The following HCFC2 variants were observed in gnomAD, a reference collection of about 807,000 sequenced individuals.
HCFC2 encodes host cell factor 2.
Under a neutral mutation model 89.2 loss-of-function variants are expected in HCFC2, and 18 were observed. The ratio of observed to expected loss-of-function variants is 0.20; its 90% CI spans 0.14 to 0.30. The LOEUF (loss-of-function observed/expected upper bound fraction) is 0.30, where lower values mean the gene tolerates loss of function less well. Among genes scored for constraint, HCFC2 ranks in the 10% least tolerant of loss-of-function variants. The pLI is 1.00. For synonymous variants in HCFC2, 308 were observed against 335.7 expected (o/e 0.92, Z 0.90); for missense variants, 578 against 956.1 (o/e 0.60, Z 5.21).
chr12:104,070,359 T>G (rs1883284345), intron 3 of HCFC2, among the ~76,000 whole-genome samples: 1 of 152,166 alleles, frequency 6.6e-6, no homozygotes, highest in South Asian at 2.1e-4. Context: ...TGCAATATTT[T>G]TTTCTTTTTA....
chr12:104,076,590 A>G (rs953928389), intron 3 of HCFC2, among the ~76,000 whole-genome samples: 5 of 152,070 alleles, frequency 3.3e-5, no homozygotes, highest in African/African-American at 4.8e-5. Flanking sequence ...GGGTTCTTGT[A>G]TTTTGTTTCC....
intron 2 of HCFC2, 80 bp from the exon 3 acceptor site, chr12:104,067,867 G>T: frequency 7.8e-7 from 1 of 1,282,358 alleles, no homozygotes; most frequent in South Asian, 1.9e-5. Context: ...AAAATGTATT[G>T]ATATGATGTT....
intron 3 of HCFC2, among the ~76,000 whole-genome samples, chr12:104,069,922 T>C (rs1405098155): frequency 6.6e-6 from 1 of 152,182 alleles, no homozygotes; most frequent in South Asian, 2.1e-4. Flanking sequence ...ATTGTTCAGC[T>C]CCCTCTTATG....
chr12:104,081,521 A>G (rs1047977248), intron 5 of HCFC2, among the ~76,000 whole-genome samples: 4 of 152,208 alleles, frequency 2.6e-5, no homozygotes, highest in Non-Finnish European at 5.9e-5. Flanking sequence ...ATTAGAATTT[A>G]ATGAAATATT....
chr12:104,089,101 T>G (rs1375271926), intron 9 of HCFC2, among the ~76,000 whole-genome samples: 1 of 152,168 alleles, frequency 6.6e-6, no homozygotes, highest in Non-Finnish European at 1.5e-5. Context: ...AACCTGCAAA[T>G]GCGGAAACTC....
chr12:104,099,201 T>G (rs1400918165), intron 13 of HCFC2, among the ~76,000 whole-genome samples: 3 of 152,012 alleles, frequency 2.0e-5, no homozygotes, highest in Non-Finnish European at 4.4e-5. Context: ...TGCCACACAC[T>G]TTTAAACAAC....
intron 7 of HCFC2, among the ~76,000 whole-genome samples, chr12:104,084,007 A>G (rs1429100832): frequency 1.3e-5 from 2 of 152,176 alleles, no homozygotes; most frequent in Admixed American, 1.3e-4. Flanking sequence ...CAGCCTGGGT[A>G]TCAGAGCAAG....
intron 3 of HCFC2, among the ~76,000 whole-genome samples, chr12:104,076,998 A>ATCTGTG (rs1172250142): frequency 2.0e-5 from 3 of 151,986 alleles, no homozygotes; most frequent in Non-Finnish European, 2.9e-5. Flanking sequence ...GTGTTTATAC[A>ATCTGTG]TCTGTGTCTG....
chr12:104,070,816 T>G (rs1883298315), intron 3 of HCFC2, among the ~76,000 whole-genome samples: 1 of 148,768 alleles, frequency 6.7e-6, no homozygotes, highest in Admixed American at 6.7e-5. Flanking sequence ...TTTTTTTTTT[T>G]TTTTTTGAGA....
In HCFC2 at chr12:104,064,547, CG is replaced by C. The variant is rs764898887; in HGVS notation, c.-9del. 4.2e-5 allele frequency: 63 copies of C among 1,487,608 alleles called. No homozygotes were observed. The East Asian group carries it at 1.1e-3, about 27-fold the overall frequency. The allele number at this position is 1,487,608 out of a possible 1,614,324, so 92.2% of individuals were successfully genotyped here. A position where few individuals can be genotyped will look rare whatever the true frequency, so the allele number is the denominator to read the frequency against. ...GAGCGGTGCATTGTGGGCAGAGGGG[CG>C]GGGGTTGGGAAGATGGCGGCTCCCA... On this transcript the variant is annotated 5_prime_UTR_variant, in exon 1 of 15. Coordinates refer to ENST00000229330, the MANE Select transcript of HCFC2 (RefSeq NM_013320.3). The surrounding 1 kb of genome is among the most constrained non-coding windows in gnomAD (Gnocchi z 7.3).
At chr12:104,093,713 A>G (rs1228884570) in intron 10 of HCFC2, 150 bp downstream of exon 10, 2 of 637,926 alleles carry the variant, frequency 3.1e-6, no homozygotes, top group South Asian at 2.1e-5. Flanking sequence ...ATGTTAAAAT[A>G]CCAAGTAAGC....
rs137969575 is a variant in HCFC2 at position 104,080,085 on chromosome 12, C to T, written c.682+432C>T. The stretch of plus-strand genomic sequence containing the variant: ...CTTAGGTAGTTCTCTCTAAAGGGAT[C>T]CTAGGAATGAATGATTGGAGGGTAG... On this transcript the variant is annotated intron_variant, in intron 4 of 14. Coordinates refer to ENST00000229330, the MANE Select transcript of HCFC2 (RefSeq NM_013320.3). 2.1e-3 allele frequency among the ~76,000 whole-genome samples: 324 copies of T among 152,240 alleles called. 2 individuals carry two copies. Among genetic ancestry groups the T allele is most frequent in the Non-Finnish European group, 4.1e-3 (277 of 67,986 alleles).
intron 13 of HCFC2, among the ~76,000 whole-genome samples, chr12:104,098,880 G>A (rs1346616394): frequency 5.3e-5 from 8 of 152,102 alleles, no homozygotes; most frequent in African/African-American, 1.7e-4. Flanking sequence ...AGCATCTGTA[G>A]TCCCAGCTAC....
chr12:104,090,974 A>G (rs1243986287), intron 9 of HCFC2: 7 of 152,190 alleles, frequency 4.6e-5, no homozygotes, highest in South Asian at 2.1e-4. Context: ...TCTTAGACCA[A>G]TTAGTTTCCC....
chr12:104,088,624 C>A (rs973477492), intron 9 of HCFC2, among the ~76,000 whole-genome samples: 4 of 152,102 alleles, frequency 2.6e-5, no homozygotes, highest in Admixed American at 2.6e-4. Flanking sequence ...CCTCAGTAGA[C>A]TGTTTTCAAG....
intron 12 of HCFC2, among the ~76,000 whole-genome samples, chr12:104,096,886 A>C (rs544627451): frequency 6.6e-6 from 1 of 152,290 alleles, no homozygotes; most frequent in African/African-American, 2.4e-5. Context: ...TGTGTTATGG[A>C]ACATAAAACT....
At position 104,068,048 on chromosome 12, in the gene HCFC2, A is replaced by G; in HGVS notation, c.414A>G (p.Lys138=). The change falls in exon 3 of 15, where the codon AAA becomes AAG. Residue 138 remains lysine (K), a synonymous_variant. Coordinates refer to ENST00000229330, the MANE Select transcript of HCFC2 (RefSeq NM_013320.3). The surrounding 1 kb of genome is among the most constrained non-coding windows in gnomAD (Gnocchi z 4.1). ...ATAGCTTCTCTTTATATGGTAACAA[A>G]TGCTATTTGTTTGGTGGCCTGGCAA... The part of the protein sequence containing the change: ...LGHSFSLYGN[K]CYLFGGLANE... 6.2e-7 allele frequency: 1 copy of G among 1,602,604 alleles called. No homozygotes were observed. The highest frequency in any genetic ancestry group is 8.5e-7 in the Non-Finnish European group (1 of 1,175,560).
At chr12:104,083,896 T>C (rs61647968) in intron 7 of HCFC2, among the ~76,000 whole-genome samples, 21,166 of 151,994 alleles carry the variant, frequency 0.14, 1,800 homozygotes, top group Admixed American at 0.22. Flanking sequence ...CAGTGGCTCA[T>C]GCCTATAGTC....
chr12:104,065,527 C>T (rs1009658559), intron 1 of HCFC2, among the ~76,000 whole-genome samples: 1 of 152,144 alleles, frequency 6.6e-6, no homozygotes, highest in Non-Finnish European at 1.5e-5. Context: ...ACTTCATGAC[C>T]GATAACTTTT....
Sources: allele counts gnomAD v4.1 joint callset (sites outside exome capture counted in the v4.1 genomes callset), GRCh38; gene constraint gnomAD v4.1.1; non-coding constraint Gnocchi (gnomAD v3.1); transcripts MANE v1.5; gene names NCBI Gene and HGNC (gene_info 2026-07-23, HGNC 2026-07-21).